The following VTI1A variants were observed in gnomAD, a reference collection of about 807,000 sequenced individuals.
The protein encoded by VTI1A is vesicle transport through interaction with t-SNAREs homolog 1A.
A neutral mutation model predicts 34.9 loss-of-function variants in VTI1A; 22 were observed. The ratio of observed to expected loss-of-function variants is 0.63; its 90% confidence interval spans 0.45 to 0.90. The LOEUF is 0.90. Ranked by LOEUF, VTI1A falls within the 40% of genes least tolerant of loss-of-function variation. The pLI, the probability that VTI1A is intolerant of heterozygous loss-of-function variation, is 0.00. For synonymous variants in VTI1A, 87 were observed against 97.3 expected, an observed-to-expected ratio of 0.89 and a Z score of 0.62; for missense variants, 268 against 275.6, an observed-to-expected ratio of 0.97 and a Z score of 0.20.
the VTI1A span, among the ~76,000 whole-genome samples, chr10:112,850,247 G>A: frequency 6.6e-6 from 1 of 151,942 alleles, no homozygotes; most frequent in Admixed American, 6.6e-5. Context: ...AGGTCAGCGG[G>A]TCACCTGGGG....
intron 5 of VTI1A, among the ~76,000 whole-genome samples, chr10:112,613,904 C>T (rs1845414434): frequency 6.6e-6 from 1 of 152,198 alleles, no homozygotes. Context: ...GCTCATATTG[C>T]TGTGCTTGGG....
At chr10:112,719,758 C>T (rs1590112356) in intron 7 of VTI1A, among the ~76,000 whole-genome samples, 1 of 152,144 alleles carries the variant, frequency 6.6e-6, no homozygotes, top group African/African-American at 2.4e-5. Context: ...GTTGGTCAGG[C>T]TGGTCTCAAA....
At chr10:112,654,754 T>A (rs1215618953) in intron 5 of VTI1A, among the ~76,000 whole-genome samples, 1 of 152,228 alleles carries the variant, frequency 6.6e-6, no homozygotes, top group South Asian at 2.1e-4. Context: ...GTACTGGGAT[T>A]ACAGGCGTGA....
intron 3 of VTI1A, among the ~76,000 whole-genome samples, chr10:112,470,905 A>T (rs1564790062): frequency 2.6e-5 from 4 of 152,154 alleles, no homozygotes; most frequent in African/African-American, 9.7e-5. Flanking sequence ...AAAATAAAAT[A>T]AAAAAGCATC....
intron 3 of VTI1A, among the ~76,000 whole-genome samples, chr10:112,500,911 A>G (rs901417490): frequency 6.6e-6 from 1 of 152,168 alleles, no homozygotes; most frequent in Non-Finnish European, 1.5e-5. Flanking sequence ...CTGCTTGACA[A>G]ACTACTTAGC....
chr10:112,575,420 A>G (rs1852293654), intron 5 of VTI1A, among the ~76,000 whole-genome samples: 1 of 152,164 alleles, frequency 6.6e-6, no homozygotes, highest in Non-Finnish European at 1.5e-5. Context: ...TTTAAATATC[A>G]CTGATATTTA....
At chr10:112,793,841 A>G (rs1411702457) in intron 7 of VTI1A, among the ~76,000 whole-genome samples, 2 of 152,188 alleles carry the variant, frequency 1.3e-5, no homozygotes, top group East Asian at 3.8e-4. Context: ...GTTTTACGAC[A>G]TCATTGCAGT....
intron 7 of VTI1A, among the ~76,000 whole-genome samples, chr10:112,759,494 C>A (rs929980445): frequency 6.6e-6 from 1 of 152,120 alleles, no homozygotes; most frequent in African/African-American, 2.4e-5. Flanking sequence ...ACATGCCTAC[C>A]GAACCAACGT....
At chr10:112,671,673 T>C (rs758594918) in intron 7 of VTI1A, 7 of 152,208 alleles carry the variant, frequency 4.6e-5, no homozygotes, top group African/African-American at 1.2e-4. Context: ...CAGTGTTCCA[T>C]TGATACCAAG....
intron 3 of VTI1A, among the ~76,000 whole-genome samples, chr10:112,481,939 T>A (rs1409659090): frequency 6.6e-6 from 1 of 152,232 alleles, no homozygotes; most frequent in Non-Finnish European, 1.5e-5. Context: ...GTATCTTGTT[T>A]AGGGGGAAAA....
chr10:112,570,125 A>G (rs770887808), intron 5 of VTI1A, among the ~76,000 whole-genome samples: 4 of 152,180 alleles, frequency 2.6e-5, no homozygotes, highest in Admixed American at 6.5e-5. Flanking sequence ...TTTTTCAAAT[A>G]TAACATGCAG....
chr10:112,733,652 C>T (rs931400647), intron 7 of VTI1A, among the ~76,000 whole-genome samples: 4 of 152,150 alleles, frequency 2.6e-5, no homozygotes, highest in Non-Finnish European at 5.9e-5. Flanking sequence ...CCTTCTCTCA[C>T]TCCTATTGTC....
the VTI1A span, among the ~76,000 whole-genome samples, chr10:112,849,050 C>T: frequency 6.6e-6 from 1 of 152,168 alleles, no homozygotes; most frequent in Non-Finnish European, 1.5e-5. Context: ...GACCCATGAC[C>T]AACTTTGGAG....
rs910161710 is a variant in VTI1A, at chr10:112,781,502, C to T, written c.561-33788C>T. On this transcript the variant is annotated intron_variant, in intron 7 of 7. Transcript: ENST00000393077. The stretch of plus-strand genomic sequence containing the variant: ...TTCTGCCTGAGGTGGGATTCCTCTA[C>T]GGGGCTGTCTTGGCTCCAGAGCTCA... Among the ~76,000 whole-genome samples, 5 of 152,020 alleles carry T rather than the reference C, an allele frequency of 3.3e-5. No homozygotes were observed. In the South Asian group the frequency reaches 6.2e-4, roughly 19 times the overall value.
chr10:112,517,360 A>G (rs553976600), intron 3 of VTI1A, among the ~76,000 whole-genome samples: 32 of 152,212 alleles, frequency 2.1e-4, no homozygotes, highest in Middle Eastern at 3.4e-3. Flanking sequence ...AACCCAGAAT[A>G]TAATAAATAG....
chr10:112,630,771 T>G (rs557552934), intron 5 of VTI1A, among the ~76,000 whole-genome samples: 6 of 152,294 alleles, frequency 3.9e-5, no homozygotes, highest in African/African-American at 1.4e-4. Flanking sequence ...ATTCACTGGT[T>G]TATGGTATCC....
chr10:112,568,571 A>C (rs530695926), intron 5 of VTI1A, among the ~76,000 whole-genome samples: 2 of 152,146 alleles, frequency 1.3e-5, no homozygotes, highest in Admixed American at 6.5e-5. Flanking sequence ...AGCCATGCTC[A>C]GGAGGTGGAG....
intron 7 of VTI1A, among the ~76,000 whole-genome samples, chr10:112,750,597 A>G (rs747465465): frequency 1.3e-5 from 2 of 152,178 alleles, no homozygotes; most frequent in Non-Finnish European, 2.9e-5. Flanking sequence ...TTGTGGGAGA[A>G]CAAACTAACT....
intron 3 of VTI1A, among the ~76,000 whole-genome samples, chr10:112,480,798 G>A (rs1482456913): frequency 6.6e-6 from 1 of 152,136 alleles, no homozygotes; most frequent in Non-Finnish European, 1.5e-5. Context: ...CTATACATTA[G>A]AATCTGAGGA....
Sources: gnomAD v4.1 joint callset for allele counts (sites outside exome capture counted in the v4.1 genomes callset) on GRCh38, gnomAD v4.1.1 for gene constraint, MANE v1.5 for transcripts, NCBI Gene and HGNC (gene_info 2026-07-23, HGNC 2026-07-21) for gene names.